The following ESRRB variants were observed in gnomAD, a reference collection of about 807,000 sequenced individuals.
ESRRB encodes the protein steroid hormone receptor ERR2.
Under a neutral mutation model 46.0 loss-of-function variants are expected in ESRRB, and 16 were observed. That is an observed-to-expected ratio of 0.35 (90% CI 0.24 to 0.53). The LOEUF (loss-of-function observed/expected upper bound fraction) is 0.53. Among genes scored for constraint, ESRRB ranks in the 20% least tolerant of loss-of-function variants. The probability of loss-of-function intolerance (pLI) is 0.93; values close to 1 mark genes in which losing one functional copy is unlikely to be tolerated. For missense variants in ESRRB, 488 were observed against 607.4 expected (o/e 0.80, Z 2.07); for synonymous variants, 246 against 259.6 (o/e 0.95, Z 0.50).
At chr14:76,414,259 A>G (rs1886595618) in intron 1 of ESRRB, among the ~76,000 whole-genome samples, 1 of 128,930 alleles carries the variant, frequency 7.8e-6, no homozygotes, top group Non-Finnish European at 1.6e-5. Context: ...GTTAGACCAC[A>G]GGGGTTCAAA....
At chr14:76,367,384 G>A (rs1026918852), upstream of ESRRB, among the ~76,000 whole-genome samples, 1 of 151,976 alleles carries the variant, frequency 6.6e-6, no homozygotes, top group African/African-American at 2.4e-5. Flanking sequence ...GTGAGACCCT[G>A]TCTCTACAAA....
chr14:76,345,795 T>A lies in ESRRB; in HGVS notation c.2+34879T>A, dbSNP rs185228666. Among the ~76,000 whole-genome samples the A allele has an allele frequency of 4.6e-3, 698 of 152,276 alleles. 20 individuals are homozygous for A. The highest frequency in any genetic ancestry group is 0.043 in the Admixed American group (651 of 15,284). ...CTTGAATAAGATCAGAGAGACCCAA[T>A]TAATAAAGCCAAGACTTGAATTCAG... On this transcript the variant is annotated intron_variant, in intron 1 of 6. Transcript: ENST00000512784.
At position 76,324,518 on chromosome 14, in the gene ESRRB, G is replaced by A. The variant is rs181401468; in HGVS notation, c.2+13602G>A. Among the ~76,000 whole-genome samples, 4 of 152,270 alleles carry A rather than the reference G, an allele frequency of 2.6e-5. No individual in the cohort carries two copies. In the East Asian group the frequency reaches 7.7e-4, roughly 29 times the overall value. On this transcript the variant is annotated intron_variant, in intron 1 of 6. Transcript: ENST00000512784. ...GTCCTCATCCCCTCCCTCTCTGTGG[G>A]GGTCCCTCGAGAATGTGACCATGAG...
chr14:76,336,011 A>G (rs1311103876), intron 1 of ESRRB, among the ~76,000 whole-genome samples: 1 of 152,250 alleles, frequency 6.6e-6, no homozygotes, highest in Non-Finnish European at 1.5e-5. Flanking sequence ...TTGCACAGCA[A>G]ATAACGGGCA....
chr14:76,463,445 G>GTTTTTTTTGTTTTGTTTTTTT (rs1362309981), intron 3 of ESRRB: 8 of 114,738 alleles, frequency 7.0e-5, no homozygotes, highest in African/African-American at 2.9e-4. Context: ...ATGCTTCTTT[G>GTTTTTTTTGTTTTGTTTTTTT]TTTTTTTTTT....
chr14:76,453,853 C>T (rs952376392), intron 2 of ESRRB, among the ~76,000 whole-genome samples: 2 of 152,232 alleles, frequency 1.3e-5, no homozygotes, highest in East Asian at 3.9e-4. Context: ...CTCAAGTGAT[C>T]CACTGGCCGT....
chr14:76,333,071 TTA>T (rs373283547), intron 1 of ESRRB, among the ~76,000 whole-genome samples: 4 of 9,494 alleles, frequency 4.2e-4, no homozygotes, highest in African/African-American at 1.0e-3. Context: ...ATATTATATA[TTA>T]TATATATTAT....
chr14:76,343,764 T>C (rs367921121), intron 1 of ESRRB, among the ~76,000 whole-genome samples: 1 of 152,248 alleles, frequency 6.6e-6, no homozygotes, highest in Non-Finnish European at 1.5e-5. Context: ...CGTTTCCACT[T>C]CATTCTGTTG....
At chr14:76,478,589 T>C (rs1352125953) in intron 3 of ESRRB, among the ~76,000 whole-genome samples, 1 of 151,758 alleles carries the variant, frequency 6.6e-6, no homozygotes, top group East Asian at 1.9e-4. Flanking sequence ...AAGGAGAGTA[T>C]ATGTTTAAGA....
intron 1 of ESRRB, among the ~76,000 whole-genome samples, chr14:76,336,090 G>T (rs1884123241): frequency 6.6e-6 from 1 of 152,124 alleles, no homozygotes; most frequent in African/African-American, 2.4e-5. Context: ...GTCATCCTGT[G>T]GCTTCCTCTT....
At chr14:76,428,957 C>T (rs1438598129) in intron 1 of ESRRB, among the ~76,000 whole-genome samples, 3 of 152,150 alleles carry the variant, frequency 2.0e-5, no homozygotes, top group Non-Finnish European at 4.4e-5. Context: ...AGGGAGGCAA[C>T]TCTCGCTGAA....
At position 76,425,486 on chromosome 14, in the gene ESRRB, T is replaced by C. The variant is rs368349534; in HGVS notation, c.51-13855T>C. ...TGGCCTGCCTGAGCGCCCCTGGCTGTGTGGGGGTTCTGCCTGCCCCTCCCT... is the reference window on the plus strand; with the variant it reads ...TGGCCTGCCTGAGCGCCCCTGGCTGCGTGGGGGTTCTGCCTGCCCCTCCCT... On this transcript the variant is annotated intron_variant, in intron 1 of 6. Transcript: ENST00000644823. 7.9e-5 allele frequency among the ~76,000 whole-genome samples: 12 copies of C among 151,966 alleles called. 1 individual carries two copies. The East Asian group carries it at 9.7e-4, about 12-fold the overall frequency.
chr14:76,348,096 A>G (rs1157973611), intron 1 of ESRRB, among the ~76,000 whole-genome samples: 1 of 152,166 alleles, frequency 6.6e-6, no homozygotes. Context: ...TTTTGCCATT[A>G]CTTTCAATGG....
intron 1 of ESRRB, among the ~76,000 whole-genome samples, chr14:76,416,280 C>T (rs1124488): frequency 0.18 from 27,416 of 151,556 alleles, 3,480 homozygotes; most frequent in African/African-American, 0.37. Context: ...GGGCTATAGG[C>T]GCCCACCACC....
Position 76,431,650 on chromosome 14 carries a change from G to T in ESRRB, c.51-7691G>T, listed in dbSNP as rs369117021. On this transcript the variant is annotated intron_variant, in intron 1 of 6. Coordinates refer to ENST00000644823, the MANE Select transcript of ESRRB (RefSeq NM_001379180.1). ...GGGGTGAAATTGAGGCCAGGGCAGC[G>T]CTTGCTAAGCTCCAGTTAGGAGATG... is the stretch of plus-strand genomic sequence containing the variant. Among the ~76,000 whole-genome samples, 16 of 152,268 alleles carry T rather than the reference G, an allele frequency of 1.1e-4. No homozygotes were observed. In the East Asian group the frequency reaches 3.1e-3, roughly 29 times the overall value.
At chr14:76,447,758 C>G (rs1213103673) in intron 2 of ESRRB, among the ~76,000 whole-genome samples, 1 of 152,082 alleles carries the variant, frequency 6.6e-6, no homozygotes, top group Non-Finnish European at 1.5e-5. Flanking sequence ...GTGGCCAAGT[C>G]TTGTTCATTC....
At chr14:76,445,239 G>A (rs1410604321) in intron 2 of ESRRB, among the ~76,000 whole-genome samples, 2 of 150,644 alleles carry the variant, frequency 1.3e-5, no homozygotes, top group Non-Finnish European at 2.9e-5. Flanking sequence ...GGAGGCCAAG[G>A]CAGGTGGATT....
At chr14:76,478,431 G>C (rs1331197072) in intron 3 of ESRRB, among the ~76,000 whole-genome samples, 1 of 128,974 alleles carries the variant, frequency 7.8e-6, no homozygotes, top group Non-Finnish European at 1.8e-5. Flanking sequence ...CCGAGGGACA[G>C]ACACCTCTTT....
intron 1 of ESRRB, among the ~76,000 whole-genome samples, chr14:76,438,446 A>C (rs954904025): frequency 2.6e-5 from 4 of 152,048 alleles, no homozygotes; most frequent in Non-Finnish European, 5.9e-5. Flanking sequence ...TGGATCACCT[A>C]AGGTCAGGAG....
Sources: gnomAD v4.1 joint callset for allele counts (sites outside exome capture counted in the v4.1 genomes callset) on GRCh38, gnomAD v4.1.1 for gene constraint, MANE v1.5 for transcripts, NCBI Gene and HGNC (gene_info 2026-07-23, HGNC 2026-07-21) for gene names.